FRMD3: variants seen among roughly 807,000 people sequenced by gnomAD.
FRMD3 encodes FERM domain containing 3, also known as FERM domain-containing protein 3.
FRMD3 carries 33 observed loss-of-function variants against 70.2 expected under a neutral mutation model. The observed-to-expected ratio is 0.47, with a 90% CI of 0.36 to 0.63. The LOEUF (loss-of-function observed/expected upper bound fraction) is 0.63. FRMD3 is among the 20% of genes least tolerant of loss of function. The pLI, the probability that FRMD3 is intolerant of heterozygous loss-of-function variation, is 0.00. For synonymous variants in FRMD3, 279 were observed against 255.9 expected (o/e 1.09, Z -0.86); for missense variants, 632 against 711.4 (o/e 0.89, Z 1.27).
intron 2 of FRMD3, 88 bp from the exon 3 acceptor site, chr9:83,373,043 G>T: frequency 9.3e-7 from 1 of 1,079,144 alleles, no homozygotes; most frequent in Non-Finnish European, 1.4e-6. Flanking sequence ...GAATTCCAAA[G>T]TACAGCCTCG....
chr9:83,549,909 T>A, the FRMD3 span, among the ~76,000 whole-genome samples: 4 of 152,120 alleles, frequency 2.6e-5, no homozygotes, highest in Non-Finnish European at 5.9e-5. Flanking sequence ...TGTCTGTTTA[T>A]TCTGTTGATA....
At chr9:83,256,366 A>G (rs1272901158) in intron 13 of FRMD3, among the ~76,000 whole-genome samples, 1 of 152,222 alleles carries the variant, frequency 6.6e-6, no homozygotes, top group East Asian at 1.9e-4. Flanking sequence ...TACAAAAACT[A>G]ACTTAAGATG....
At chr9:83,307,801 G>A (rs997176175) in intron 10 of FRMD3, among the ~76,000 whole-genome samples, 3 of 152,074 alleles carry the variant, frequency 2.0e-5, no homozygotes, top group South Asian at 2.1e-4. Context: ...TAAATTTTAC[G>A]GCATGTAAAT....
intron 13 of FRMD3, among the ~76,000 whole-genome samples, chr9:83,274,000 T>C (rs1338858008): frequency 6.6e-6 from 1 of 152,130 alleles, no homozygotes. Flanking sequence ...TTACATTTTT[T>C]TATAGAGACG....
intron 6 of FRMD3, among the ~76,000 whole-genome samples, chr9:83,315,328 T>C (rs190903002): frequency 1.3e-5 from 2 of 152,294 alleles, no homozygotes; most frequent in South Asian, 2.1e-4. Flanking sequence ...TTATATTTGA[T>C]GTATCAGCCT....
At chr9:83,283,139 T>A (rs556116003) in intron 13 of FRMD3, among the ~76,000 whole-genome samples, 3 of 152,330 alleles carry the variant, frequency 2.0e-5, no homozygotes, top group Middle Eastern at 6.8e-3. Flanking sequence ...AATAGGAATC[T>A]GCAGAGCATG....
intron 1 of FRMD3, among the ~76,000 whole-genome samples, chr9:83,489,696 C>T (rs1282252129): frequency 1.3e-5 from 2 of 152,096 alleles, no homozygotes; most frequent in African/African-American, 4.8e-5. Flanking sequence ...GAAAGCAGTT[C>T]GAAGATTTCT....
chr9:83,570,665 G>A, the FRMD3 span, among the ~76,000 whole-genome samples: 1 of 152,178 alleles, frequency 6.6e-6, no homozygotes, highest in Non-Finnish European at 1.5e-5. Context: ...GAAAGGATTT[G>A]ACTTTAACTC....
chr9:83,563,909 C>T, the FRMD3 span, among the ~76,000 whole-genome samples: 1 of 152,128 alleles, frequency 6.6e-6, no homozygotes, highest in Non-Finnish European at 1.5e-5. Flanking sequence ...AAATGATTTG[C>T]TTGTATAAAT....
chr9:83,313,084 A>G (rs990149395), intron 7 of FRMD3, among the ~76,000 whole-genome samples: 4 of 152,236 alleles, frequency 2.6e-5, no homozygotes, highest in East Asian at 1.9e-4. Flanking sequence ...AAATGTATCT[A>G]TAAGTATCAC....
chr9:83,320,662 G>A (rs772920486), intron 6 of FRMD3, among the ~76,000 whole-genome samples: 4 of 151,846 alleles, frequency 2.6e-5, no homozygotes, highest in Admixed American at 6.6e-5. Context: ...CTCTGTTTTG[G>A]GTATCAGGGT....
intron 1 of FRMD3, among the ~76,000 whole-genome samples, chr9:83,532,741 G>A (rs1426326947): frequency 6.6e-6 from 1 of 152,086 alleles, no homozygotes; most frequent in Non-Finnish European, 1.5e-5. Context: ...TTTACAGCTA[G>A]GGCATGGGCA....
chr9:83,382,662 A>C (rs1036295605), intron 2 of FRMD3, among the ~76,000 whole-genome samples: 3 of 151,996 alleles, frequency 2.0e-5, no homozygotes, highest in Admixed American at 1.3e-4. Context: ...CCTGCTTGGA[A>C]CTGCAGCTCA....
chr9:83,550,394 T>C, the FRMD3 span, among the ~76,000 whole-genome samples: 6 of 152,290 alleles, frequency 3.9e-5, no homozygotes, highest in African/African-American at 1.4e-4. Flanking sequence ...CCCCCACCTT[T>C]GTTCTTTCTG....
intron 13 of FRMD3, among the ~76,000 whole-genome samples, chr9:83,287,383 G>A (rs1483949601): frequency 2.0e-5 from 3 of 152,148 alleles, no homozygotes; most frequent in Non-Finnish European, 4.4e-5. Context: ...TGGCTCTGAG[G>A]TTGAAAAACT....
At chr9:83,584,314 A>C in the FRMD3 span, among the ~76,000 whole-genome samples, 59 of 152,196 alleles carry the variant, frequency 3.9e-4, no homozygotes, top group African/African-American at 1.4e-3. Flanking sequence ...CATCTCAAAA[A>C]AATAAAATAA....
At chr9:83,270,490 C>A (rs1224320123) in intron 13 of FRMD3, among the ~76,000 whole-genome samples, 1 of 152,304 alleles carries the variant, frequency 6.6e-6, no homozygotes, top group East Asian at 1.9e-4. Flanking sequence ...ATGGAGACAA[C>A]AACTCCTCTC....
At chr9:83,484,340 G>A (rs772526170) in intron 1 of FRMD3, among the ~76,000 whole-genome samples, 3 of 152,170 alleles carry the variant, frequency 2.0e-5, no homozygotes, top group Admixed American at 2.0e-4. Context: ...ATTAATTAAG[G>A]GGAAATGTGG....
At chr9:83,298,947 G>T in intron 11 of FRMD3, 131 bp from the exon 12 acceptor site, 1 of 1,043,810 alleles carries the variant, frequency 9.6e-7, no homozygotes. Context: ...GGAAAATTAC[G>T]GTAGAATTTG....
Sources: allele counts gnomAD v4.1 joint callset (sites outside exome capture counted in the v4.1 genomes callset), GRCh38; gene constraint gnomAD v4.1.1; transcripts MANE v1.5; gene names NCBI Gene and HGNC (gene_info 2026-07-23, HGNC 2026-07-21).